The following HIRA variants were observed in gnomAD, a reference collection of about 807,000 sequenced individuals.
The protein encoded by HIRA is protein HIRA.
HIRA carries 13 observed loss-of-function variants against 126.6 expected under a neutral mutation model. That is an observed-to-expected ratio of 0.10 (90% CI 0.07 to 0.16). The LOEUF is 0.16. Among genes scored for constraint, HIRA ranks in the 10% least tolerant of loss-of-function variants. The pLI, the probability that HIRA is intolerant of heterozygous loss-of-function variation, is 1.00. For missense variants in HIRA, 834 were observed against 1,314.4 expected (o/e 0.63, Z 5.65); for synonymous variants, 511 against 520.0 (o/e 0.98, Z 0.24).
intron 21 of HIRA, among the ~76,000 whole-genome samples, chr22:19,354,373 G>A (rs2088789774): frequency 6.6e-6 from 1 of 152,220 alleles, no homozygotes; most frequent in African/African-American, 2.4e-5. Flanking sequence ...GCCCTTGCTG[G>A]GAACACTTCA....
Position 19,431,536 on chromosome 22 carries a change from C to A in HIRA, c.-60G>T, listed in dbSNP as rs1245967261. On this transcript the variant is annotated 5_prime_UTR_variant, in exon 1 of 25. Coordinates refer to ENST00000263208, the MANE Select transcript of HIRA (RefSeq NM_003325.4). ...CGCCGGGTCCCTCAGCGCGCCCGGG[C>A]CATGGAGCCACCGCCGCCGCTTCCT... is the stretch of plus-strand genomic sequence containing the variant. 3.0e-6 allele frequency: 4 copies of A among 1,338,804 alleles called. No homozygotes were observed. The highest frequency in any genetic ancestry group is 5.7e-5 in the Admixed American group (2 of 34,868). The allele number at this position is 1,338,804 out of a possible 1,614,324, so 82.9% of individuals were successfully genotyped here. A position where few individuals can be genotyped will look rare whatever the true frequency, so the allele number is the denominator to read the frequency against.
At chr22:19,418,032 T>G (rs1253549299) in intron 1 of HIRA, among the ~76,000 whole-genome samples, 1 of 152,176 alleles carries the variant, frequency 6.6e-6, no homozygotes, top group African/African-American at 2.4e-5. Flanking sequence ...TATCTATGAA[T>G]AGTCAAATTC....
At position 19,405,718 on chromosome 22, in the gene HIRA, C is replaced by T. The variant is rs116984153; in HGVS notation, c.397+68G>A. ...AAGGACCAAACAGTCCCACAGGGGA[C>T]GTGGCGGTGCTGCTGATCTGAGCCA... On this transcript the variant is annotated intron_variant, in intron 5 of 24. Transcript: ENST00000263208. 7.8e-5 allele frequency: 90 copies of T among 1,149,044 alleles called. 1 individual carries two copies. The East Asian group carries it at 1.9e-3, about 24-fold the overall frequency. 71.2% of individuals were successfully genotyped at this position (1,149,044 alleles called of 1,614,324 possible).
In HIRA at chr22:19,354,005, C is replaced by T. The variant is rs782806732; in HGVS notation, c.2675G>A (p.Arg892His). The change falls in exon 22 of 25, where the codon CGC becomes CAC. Residue 892 changes from arginine to histidine, a missense_variant. By Grantham distance (29) the Arg-to-His change is conservative (BLOSUM62 0). Around this residue, in one of 5 missense-constraint regions of HIRA, gnomAD observed 468 missense variants for 574.2 expected, o/e 0.82. Coordinates refer to ENST00000263208, the MANE Select transcript of HIRA (RefSeq NM_003325.4). ...CATTCAGGTCACGTACTTGGAGGTG[C>T]GGCCCTGGATTATGGCTAACGGTCC... ...CSGPLAIIQG[R>H]TSNSGRQAAR... 10 of 1,612,836 alleles carry T rather than the reference C, an allele frequency of 6.2e-6. No homozygotes were observed. The highest frequency in any genetic ancestry group is 2.2e-5 in the East Asian group (1 of 44,874).
At chr22:19,341,249 G>A (rs781841356) in intron 24 of HIRA, among the ~76,000 whole-genome samples, 1 of 152,012 alleles carries the variant, frequency 6.6e-6, no homozygotes, top group Non-Finnish European at 1.5e-5. Flanking sequence ...CCAGGAGTTC[G>A]AGACCAGCCT....
chr22:19,335,066 T>C (rs2088549427), intron 24 of HIRA, among the ~76,000 whole-genome samples: 2 of 152,190 alleles, frequency 1.3e-5, no homozygotes, highest in Non-Finnish European at 1.5e-5. Flanking sequence ...CCTTTACTTA[T>C]CATAGTCTGT....
chr22:19,430,640 G>C (rs2089526344), intron 1 of HIRA, among the ~76,000 whole-genome samples: 1 of 151,796 alleles, frequency 6.6e-6, no homozygotes, highest in African/African-American at 2.4e-5. Flanking sequence ...GAGTGGGGTG[G>C]GGGAGGGGGA....
chr22:19,416,157 G>A (rs1215812627), intron 1 of HIRA, among the ~76,000 whole-genome samples: 2 of 152,162 alleles, frequency 1.3e-5, no homozygotes, highest in African/African-American at 4.8e-5. Context: ...TACAAATGGT[G>A]CTGCGAAAAC....
At position 19,387,799 on chromosome 22, in the gene HIRA, C is replaced by A. The variant is rs747751052; in HGVS notation, c.1025G>T (p.Gly342Val). 2 of 1,613,006 alleles carry A rather than the reference C, an allele frequency of 1.2e-6. No homozygotes were observed. The highest frequency in any genetic ancestry group is 1.7e-6 in the Non-Finnish European group (2 of 1,179,564). ...MDISWTLNGL[G>V]ILVCSMDGSV... is the part of the protein sequence containing the mutation. The stretch of plus-strand genomic sequence containing the variant: ...GCCGTCCATAGAGCATACCAAGATG[C>A]CCAGCCCATTCAGAGTCCTGAAAGA... Residue 342 changes from glycine (G) to valine (V), a missense_variant, in exon 11 of 25, where the codon GGC becomes GTC. By Grantham distance (109) the Gly-to-Val change is moderately radical (BLOSUM62 -3). This residue lies in a region of HIRA where 153 missense variants were observed against 270.6 expected (regional missense o/e 0.57). Transcript: ENST00000263208.
rs556675982 is a variant in HIRA, at chr22:19,396,059, C to T, written c.654+728G>A. Among the ~76,000 whole-genome samples, 52 of 150,752 alleles carry T rather than the reference C, an allele frequency of 3.4e-4. 1 individual carries two copies. The highest frequency in any genetic ancestry group is 1.1e-3 in the African/African-American group (44 of 40,240). On this transcript the variant is annotated intron_variant, in intron 7 of 24. Coordinates refer to ENST00000263208, the MANE Select transcript of HIRA (RefSeq NM_003325.4). ...TGCATATCAACAAGCACAGCACAGT[C>T]GAGGATGGCACAAGAGTCTCCTCCA...
chr22:19,384,374 T>C lies in HIRA; in HGVS notation c.1330-669A>G, dbSNP rs138004240. Among the ~76,000 whole-genome samples the C allele has an allele frequency of 9.4e-3, 1,431 of 151,606 alleles. 10 individuals carry two copies. Among genetic ancestry groups the C allele is most frequent in the Non-Finnish European group, 0.016 (1,118 of 67,900 alleles). On this transcript the variant is annotated intron_variant, in intron 12 of 24. Coordinates refer to ENST00000263208, the MANE Select transcript of HIRA (RefSeq NM_003325.4). The stretch of plus-strand genomic sequence containing the variant: ...ATATCATGCGGTATTTGTCCTTCTG[T>C]GTCTGGCTTATCATTAATTTGTACA...
chr22:19,415,253 C>G (rs1238485732), intron 1 of HIRA, among the ~76,000 whole-genome samples: 1 of 152,072 alleles, frequency 6.6e-6, no homozygotes, highest in Non-Finnish European at 1.5e-5. Context: ...ACAAAATCAA[C>G]AAACAAAAGT....
At chr22:19,426,648 A>G (rs1481142367) in intron 1 of HIRA, among the ~76,000 whole-genome samples, 1 of 152,190 alleles carries the variant, frequency 6.6e-6, no homozygotes, top group Non-Finnish European at 1.5e-5. Flanking sequence ...TTCTGTTCAG[A>G]GAGAGAGCCT....
At chr22:19,344,353 C>T (rs1354666835) in intron 24 of HIRA, among the ~76,000 whole-genome samples, 1 of 151,718 alleles carries the variant, frequency 6.6e-6, no homozygotes, top group Non-Finnish European at 1.5e-5. Flanking sequence ...ACCAATGCCA[C>T]AAAAATAAAA....
chr22:19,353,285 G>A (rs2088776460), intron 23 of HIRA, 71 bp downstream of exon 23: 9 of 1,570,824 alleles, frequency 5.7e-6, no homozygotes, highest in Middle Eastern at 2.2e-4. Flanking sequence ...TGATTTCACA[G>A]GGACTAAGTG....
chr22:19,364,446 G>C (rs962366245), intron 15 of HIRA, among the ~76,000 whole-genome samples: 1 of 152,152 alleles, frequency 6.6e-6, no homozygotes, highest in African/African-American at 2.4e-5. Context: ...CCTGCATCAA[G>C]CAAGTCTATT....
At chr22:19,385,784 G>GGCCAGTGCT in intron 11 of HIRA, 48 bp from the exon 12 acceptor site, 1 of 1,557,144 alleles carries the variant, frequency 6.4e-7, no homozygotes, top group Non-Finnish European at 8.8e-7. Flanking sequence ...GTGCCAGTGT[G>GGCCAGTGCT]GCCAGTGCTG....
intron 1 of HIRA, among the ~76,000 whole-genome samples, chr22:19,411,696 G>T (rs986671277): frequency 6.6e-6 from 1 of 152,228 alleles, no homozygotes; most frequent in African/African-American, 2.4e-5. Context: ...AACAATTGCT[G>T]ATATAGATGG....
At chr22:19,409,326 C>A (rs1292951717) in intron 2 of HIRA, among the ~76,000 whole-genome samples, 2 of 151,314 alleles carry the variant, frequency 1.3e-5, no homozygotes, top group Non-Finnish European at 2.9e-5. Flanking sequence ...CTCTGTCTCC[C>A]AGGCTGGAGT....
Sources: allele counts gnomAD v4.1 joint callset (sites outside exome capture counted in the v4.1 genomes callset), GRCh38; gene constraint gnomAD v4.1.1; regional missense constraint gnomAD v4.1.1; transcripts MANE v1.5; gene names NCBI Gene and HGNC (gene_info 2026-07-23, HGNC 2026-07-21).